The following MME variants were observed in gnomAD, a reference collection of about 807,000 sequenced individuals.
MME encodes membrane metalloendopeptidase, also known as neprilysin.
A neutral mutation model predicts 113.2 loss-of-function variants in MME; 98 were observed. The observed-to-expected ratio is 0.87, with a 90% CI of 0.74 to 1.02. The LOEUF is 1.02. Among genes scored for constraint, MME ranks in the 50% least tolerant of loss-of-function variants. MME has a pLI of 0.00. For missense variants in MME, 836 were observed against 896.0 expected (o/e 0.93, Z 0.86); for synonymous variants, 292 against 300.6 (o/e 0.97, Z 0.30).
chr3:155,073,089 TC>T (rs1275988534), intron 1 of MME, among the ~76,000 whole-genome samples: 1 of 152,186 alleles, frequency 6.6e-6, no homozygotes, highest in African/African-American at 2.4e-5. Context: ...GGCAAATTTT[TC>T]CGAGTTGTGG....
At chr3:155,079,635 G>GTT (rs999584914), upstream of MME, 1 of 139,278 alleles carries the variant, frequency 7.2e-6, no homozygotes, top group African/African-American at 2.6e-5. Flanking sequence ...GGGGGTGGGG[G>GTT]GGGTGGGCCG....
chr3:155,159,315 A>G (rs1318786995), intron 16 of MME, among the ~76,000 whole-genome samples: 1 of 152,066 alleles, frequency 6.6e-6, no homozygotes, highest in Non-Finnish European at 1.5e-5. Context: ...GATAATTGTC[A>G]TACTAACAGT....
chr3:155,031,905 C>T (rs905247510), intron 1 of MME, among the ~76,000 whole-genome samples: 6 of 152,180 alleles, frequency 3.9e-5, no homozygotes, highest in East Asian at 1.9e-4. Flanking sequence ...ATCATCCGTC[C>T]GCTTTGGCCT....
intron 4 of MME, 86 bp from the exon 5 acceptor site, chr3:155,116,393 T>C: frequency 9.8e-7 from 1 of 1,021,182 alleles, no homozygotes; most frequent in Non-Finnish European, 1.5e-6. Context: ...ACTTTGCAAA[T>C]GTTAATTACT....
chr3:155,135,703 T>G (rs1720568977), intron 8 of MME, among the ~76,000 whole-genome samples: 1 of 152,212 alleles, frequency 6.6e-6, no homozygotes, highest in African/African-American at 2.4e-5. Flanking sequence ...AAAAGAGTGT[T>G]GAATCTGTAT....
At chr3:155,063,234 ATATATTATATAATAATATACATATAATG>A (rs1406134191) in intron 1 of MME, among the ~76,000 whole-genome samples, 4 of 117,900 alleles carry the variant, frequency 3.4e-5, no homozygotes, top group Non-Finnish European at 6.5e-5. Flanking sequence ...GTATATTATT[ATATATTATATAATAATATACATATAATG>A]TATATTATTT....
At chr3:155,152,830 C>G (rs987912787) in intron 16 of MME, among the ~76,000 whole-genome samples, 4 of 150,898 alleles carry the variant, frequency 2.7e-5, no homozygotes, top group African/African-American at 9.8e-5. Flanking sequence ...GACAGAGAGA[C>G]ACTCCGTCTC....
intron 21 of MME, 26 bp downstream of exon 21, chr3:155,172,238 A>G: frequency 6.9e-7 from 1 of 1,442,230 alleles, no homozygotes; most frequent in Non-Finnish European, 9.8e-7. Flanking sequence ...TGATTGATAG[A>G]TATGAAAACC....
At chr3:155,064,858 C>T (rs1348261055) in intron 1 of MME, among the ~76,000 whole-genome samples, 3 of 152,168 alleles carry the variant, frequency 2.0e-5, no homozygotes, top group Non-Finnish European at 4.4e-5. Context: ...CTTGACTCTT[C>T]TAGCTTCTGG....
At chr3:155,171,640 G>A (rs1711981636) in intron 20 of MME, among the ~76,000 whole-genome samples, 1 of 152,108 alleles carries the variant, frequency 6.6e-6, no homozygotes, top group Non-Finnish European at 1.5e-5. Flanking sequence ...TTGGAGACTA[G>A]GCCTCTAAGG....
rs116933636 is a variant in MME at position 155,142,452 on chromosome 3, C to T, written c.1188+122C>T. 8.7e-4 allele frequency: 652 copies of T among 747,276 alleles called. 5 individuals carry two copies. In the East Asian group the frequency reaches 0.014, roughly 15 times the overall value. 46.3% of individuals were successfully genotyped at this position (747,276 alleles called of 1,614,324 possible). On this transcript the variant is annotated intron_variant, in intron 12 of 22. Transcript: ENST00000360490. The stretch of plus-strand genomic sequence containing the variant: ...TGCAAAGGGACAAAATGCCAAAGTT[C>T]GTTATCTTGCACATATTTAGGACAT...
At chr3:155,115,855 C>T (rs1226060030) in intron 4 of MME, among the ~76,000 whole-genome samples, 1 of 152,192 alleles carries the variant, frequency 6.6e-6, no homozygotes, top group Non-Finnish European at 1.5e-5. Context: ...GATTTGCCTT[C>T]CCAGCACAGG....
chr3:155,126,518 G>A (rs1719671791), intron 8 of MME, among the ~76,000 whole-genome samples: 1 of 151,772 alleles, frequency 6.6e-6, no homozygotes. Context: ...ATCTGATATA[G>A]AAGCATTTTT....
intron 14 of MME, among the ~76,000 whole-genome samples, chr3:155,145,537 T>C (rs1721436297): frequency 6.6e-6 from 1 of 152,126 alleles, no homozygotes; most frequent in African/African-American, 2.4e-5. Flanking sequence ...TGCCTAGCAT[T>C]ATATCCTCAG....
At chr3:155,175,830 G>A (rs1450542805) in intron 22 of MME, among the ~76,000 whole-genome samples, 1 of 152,000 alleles carries the variant, frequency 6.6e-6, no homozygotes, top group East Asian at 1.9e-4. Context: ...ATGCTAATAA[G>A]CCCTCTTTGA....
chr3:155,084,011 C>A, intron 1 of MME, 147 bp from the exon 2 acceptor site: 1 of 718,956 alleles, frequency 1.4e-6, no homozygotes, highest in Non-Finnish European at 2.3e-6. Flanking sequence ...TTGCATTCAG[C>A]AACAAAATTT....
In MME at chr3:155,085,901, C is replaced by G. The variant is rs562475957; in HGVS notation, c.196+807C>G. On this transcript the variant is annotated intron_variant, in intron 3 of 22. Coordinates refer to ENST00000360490, the MANE Select transcript of MME (RefSeq NM_007289.4). ...GCGGTGCAGAAGAGGGAATTCCAAA[C>G]ACAAAAGAAAGAAACTATGTTATTG... Among the ~76,000 whole-genome samples the G allele has an allele frequency of 3.3e-5, 5 of 152,274 alleles. No homozygotes were observed. The South Asian group carries it at 1.0e-3, about 32-fold the overall frequency.
At chr3:155,046,533 C>CA (rs1471229037) in intron 1 of MME, among the ~76,000 whole-genome samples, 2 of 152,002 alleles carry the variant, frequency 1.3e-5, no homozygotes, top group East Asian at 1.9e-4. Context: ...ACTAAAAATA[C>CA]AAAAAAATTA....
chr3:155,117,927 T>G (rs1053346236), intron 7 of MME, among the ~76,000 whole-genome samples: 2 of 152,142 alleles, frequency 1.3e-5, no homozygotes, highest in Non-Finnish European at 2.9e-5. Flanking sequence ...GATTCTCTCT[T>G]TAACCCAGAA....
Sources: gnomAD v4.1 joint callset for allele counts (sites outside exome capture counted in the v4.1 genomes callset) on GRCh38, gnomAD v4.1.1 for gene constraint, MANE v1.5 for transcripts, NCBI Gene and HGNC (gene_info 2026-07-23, HGNC 2026-07-21) for gene names.